Variants in PKP1 observed in about 807,000 individuals in gnomAD.
PKP1 encodes the protein plakophilin-1.
In PKP1, 27 loss-of-function variants were observed where a neutral mutation model predicts 76.4. The observed-to-expected ratio is 0.35, with a 90% CI of 0.26 to 0.49. PKP1 has a LOEUF of 0.49. Ranked by LOEUF, PKP1 falls within the 20% of genes least tolerant of loss-of-function variation. PKP1 has a pLI of 0.99. For synonymous variants in PKP1, 404 were observed against 384.2 expected, an observed-to-expected ratio of 1.05 and a Z score of -0.60; for missense variants, 964 against 955.2, an observed-to-expected ratio of 1.01 and a Z score of -0.12.
Position 201,324,476 on chromosome 1 carries a change from C to A in PKP1, c.1729C>A (p.Pro577Thr). The A allele has an allele frequency of 6.2e-7, 1 of 1,614,128 alleles. No individual in the cohort carries two copies. Among genetic ancestry groups the A allele is most frequent in the South Asian group, 1.1e-5 (1 of 91,062 alleles). Residue 577 changes from proline (P) to threonine (T), a missense_variant, in exon 10 of 14, where the codon CCA becomes ACA. Transcript: ENST00000367324. ...QLIGLKEKGL[P>T]QIARLLQSGN... ...GATTGGGCTGAAGGAAAAGGGCCTG[C>A]CACAAATTGCCCGCCTCCTGCAATC...
At chr1:201,310,827 C>T (rs775017402) in intron 2 of PKP1, among the ~76,000 whole-genome samples, 1 of 152,208 alleles carries the variant, frequency 6.6e-6, no homozygotes, top group African/African-American at 2.4e-5. Context: ...TGCAGTCCCA[C>T]GGGGATGTCT....
rs769304351 is a variant in PKP1 at position 201,322,105 on chromosome 1, G to T, written c.1475G>T (p.Cys492Phe). ...NAYTEKSSTG[C>F]FSNKSDKMMN... ...TACACCGAGAAGTCCTCCACTGGCTGCTTCAGCAACAAGAGCGACAAGATG... is the reference window on the plus strand; with the variant it reads ...TACACCGAGAAGTCCTCCACTGGCTTCTTCAGCAACAAGAGCGACAAGATG... The change falls in exon 8 of 14, where the codon TGC (cysteine) becomes TTC (phenylalanine). Residue 492 changes from cysteine to phenylalanine, a missense_variant. Transcript: ENST00000367324. 6.2e-7 allele frequency: 1 copy of T among 1,612,564 alleles called. No homozygotes were observed. The highest frequency in any genetic ancestry group is 2.2e-5 in the East Asian group (1 of 44,854).
At chr1:201,289,497 A>G (rs1406007651) in intron 1 of PKP1, among the ~76,000 whole-genome samples, 2 of 152,108 alleles carry the variant, frequency 1.3e-5, no homozygotes, top group Non-Finnish European at 2.9e-5. Context: ...GAGGGGAGGG[A>G]AAGTGGAAAA....
chr1:201,301,997 TC>T (rs960598522), intron 2 of PKP1, among the ~76,000 whole-genome samples: 1 of 151,838 alleles, frequency 6.6e-6, no homozygotes, highest in African/African-American at 2.4e-5. Flanking sequence ...GGGGAGGGGG[TC>T]TTGGGTTCTG....
intron 3 of PKP1, among the ~76,000 whole-genome samples, chr1:201,314,247 G>A (rs1179581387): frequency 1.3e-5 from 2 of 152,180 alleles, no homozygotes; most frequent in Non-Finnish European, 2.9e-5. Context: ...GGGTGCTTGA[G>A]CTCAGGAGTT....
intron 1 of PKP1, among the ~76,000 whole-genome samples, chr1:201,292,018 G>T (rs1655928461): frequency 1.3e-5 from 2 of 152,230 alleles, no homozygotes; most frequent in South Asian, 2.1e-4. Context: ...GAAGCCAGAG[G>T]TTCAATGGGC....
At chr1:201,325,298 C>T (rs1309734400) in intron 11 of PKP1, among the ~76,000 whole-genome samples, 171 bp downstream of exon 11, 1 of 152,102 alleles carries the variant, frequency 6.6e-6, no homozygotes. Context: ...GCCGAGAGTG[C>T]GTGGAGAGAA....
In PKP1 at chr1:201,332,562, A is replaced by C. The variant is rs1449495990; in HGVS notation, c.*2521A>C. 2.6e-5 allele frequency: 4 copies of C among 152,156 alleles called. No individual in the cohort carries two copies. The highest frequency in any genetic ancestry group is 9.7e-5 in the African/African-American group (4 of 41,440). The allele number at this position is 152,156 out of a possible 1,614,324, so 9.4% of individuals were successfully genotyped here. ...TCACACTACCAGGGCCAATGCCCAA[A>C]ATAAGGAGTTCCAATTTGGGGCCAA... On this transcript the variant is annotated 3_prime_UTR_variant, in exon 14 of 14. Transcript: ENST00000367324.
chr1:201,300,645 G>T (rs1656201630), intron 2 of PKP1, among the ~76,000 whole-genome samples: 1 of 152,258 alleles, frequency 6.6e-6, no homozygotes, highest in African/African-American at 2.4e-5. Flanking sequence ...AGCAAGACTA[G>T]ATGGTGGCTC....
intron 1 of PKP1, among the ~76,000 whole-genome samples, chr1:201,289,303 G>T (rs527332308): frequency 1.3e-5 from 2 of 152,244 alleles, no homozygotes; most frequent in African/African-American, 4.8e-5. Flanking sequence ...ATTTCAGAGG[G>T]TGAAGTAAAG....
At chr1:201,324,113 T>G (rs936805276) in intron 9 of PKP1, among the ~76,000 whole-genome samples, 1 of 152,116 alleles carries the variant, frequency 6.6e-6, no homozygotes, top group African/African-American at 2.4e-5. Flanking sequence ...GCTGAGACAG[T>G]GGGGTGAGAG....
In PKP1 at chr1:201,283,893, A is replaced by T; in HGVS notation, c.191A>T (p.His64Leu). ...SKSSQSSTLS[H>L]SNRGSMYDGL... The stretch of plus-strand genomic sequence containing the variant: ...TCTTCCCAGTCGTCCACCCTGAGCC[A>T]CTCCAATCGAGGTAAAGGCTCGGCC... The change falls in exon 1 of 14, where the codon CAC becomes CTC. Residue 64 changes from histidine (H) to leucine (L), a missense_variant. Physicochemically the swap from His to Leu is moderately conservative, Grantham distance 99. Transcript: ENST00000367324. 4 of 1,613,926 alleles carry T rather than the reference A, an allele frequency of 2.5e-6. No homozygotes were observed. The highest frequency in any genetic ancestry group is 3.4e-6 in the Non-Finnish European group (4 of 1,179,896).
intron 3 of PKP1, among the ~76,000 whole-genome samples, chr1:201,315,043 G>T (rs936200463): frequency 1.3e-5 from 2 of 152,198 alleles, no homozygotes; most frequent in African/African-American, 2.4e-5. Flanking sequence ...GCAGAACCCC[G>T]TTATAGAGCT....
intron 2 of PKP1, among the ~76,000 whole-genome samples, chr1:201,294,369 A>G (rs905046540): frequency 6.6e-6 from 1 of 152,214 alleles, no homozygotes; most frequent in African/African-American, 2.4e-5. Flanking sequence ...CTTGAGGTCT[A>G]TTAATGGACC....
At position 201,283,686 on chromosome 1, in the gene PKP1, A is replaced by ACCCGCCT. The variant is rs747983740; in HGVS notation, c.-10_-4dup. 2 of 1,610,448 alleles carry ACCCGCCT rather than the reference A, an allele frequency of 1.2e-6. No individual in the cohort carries two copies. Among genetic ancestry groups the ACCCGCCT allele is most frequent in the Non-Finnish European group, 1.7e-6 (2 of 1,178,180 alleles). ...CTCTCCTAGGCCCCGGCCGCGCGCCACCCGCCTCCCGCCACCATGAACCAC... is the reference window on the plus strand; with the variant it reads ...CTCTCCTAGGCCCCGGCCGCGCGCCACCCGCCTCCCGCCTCCCGCCACCATGAACCAC... On this transcript the variant is annotated 5_prime_UTR_variant, in exon 1 of 14. Coordinates refer to ENST00000367324, the MANE Select transcript of PKP1 (RefSeq NM_001005337.3).
At chr1:201,297,919 G>C (rs73072802) in intron 2 of PKP1, among the ~76,000 whole-genome samples, 2,242 of 152,184 alleles carry the variant, frequency 0.015, 57 homozygotes, top group African/African-American at 0.052. Context: ...TCAGGGCAGG[G>C]TTACCAGATA....
Position 201,317,728 on chromosome 1 carries a change from G to A in PKP1, c.1003G>A (p.Val335Ile). Reference sequence around the variant, plus strand: ...GAGGCAGAATGGGATCCGCGAGGCAGTCAGCCTCCTGAGGAGAACCGGGAA... The same window carrying A: ...GAGGCAGAATGGGATCCGCGAGGCAATCAGCCTCCTGAGGAGAACCGGGAA... The part of the protein sequence containing the change: ...TRRQNGIREA[V>I]SLLRRTGNAE... The change falls in exon 5 of 14, where the codon GTC (valine) becomes ATC (isoleucine). Residue 335 changes from valine (V) to isoleucine (I), a missense_variant. Coordinates refer to ENST00000367324, the MANE Select transcript of PKP1 (RefSeq NM_001005337.3). 6.2e-7 allele frequency: 1 copy of A among 1,613,984 alleles called. No homozygotes were observed. Among genetic ancestry groups the A allele is most frequent in the Non-Finnish European group, 8.5e-7 (1 of 1,179,978 alleles).
intron 4 of PKP1, 151 bp from the exon 5 acceptor site, chr1:201,317,421 G>T (rs1478884396): frequency 2.8e-6 from 2 of 723,908 alleles, no homozygotes; most frequent in East Asian, 5.4e-5. Context: ...CAGTTATCAT[G>T]ACCTCACACT....
chr1:201,308,768 A>G (rs946037094), intron 2 of PKP1, among the ~76,000 whole-genome samples: 1 of 152,082 alleles, frequency 6.6e-6, no homozygotes, highest in African/African-American at 2.4e-5. Context: ...TGTAAGGAGC[A>G]GACACTGTAG....
Sources: allele counts gnomAD v4.1 joint callset (sites outside exome capture counted in the v4.1 genomes callset), GRCh38; gene constraint gnomAD v4.1.1; transcripts MANE v1.5; gene names NCBI Gene and HGNC (gene_info 2026-07-23, HGNC 2026-07-21).